The following WWOX variants were observed in gnomAD, a reference collection of about 807,000 sequenced individuals.
WWOX encodes the protein WW domain containing oxidoreductase, also known as WW domain-containing oxidoreductase.
A neutral mutation model predicts 46.2 loss-of-function variants in WWOX; 69 were observed. That is an observed-to-expected ratio of 1.49 (90% CI 1.23 to 1.82). The LOEUF is 1.82. Among genes scored for constraint, WWOX ranks in the 40% most tolerant of loss-of-function variants. The pLI, the probability that WWOX is intolerant of heterozygous loss-of-function variation, is 0.00. For missense variants in WWOX, 919 were observed against 542.6 expected (o/e 1.69, Z -6.89); for synonymous variants, 359 against 202.6 (o/e 1.77, Z -6.56).
chr16:79,020,925 C>G (rs1319804168), intron 8 of WWOX, among the ~76,000 whole-genome samples: 1 of 152,012 alleles, frequency 6.6e-6, no homozygotes, highest in Non-Finnish European at 1.5e-5. Context: ...TGTTAATGAG[C>G]TTAGATTGTC....
chr16:78,427,865 C>T (rs910050952), intron 7 of WWOX, among the ~76,000 whole-genome samples: 9 of 152,144 alleles, frequency 5.9e-5, no homozygotes, highest in South Asian at 2.1e-4. Context: ...CTCAAGAGTT[C>T]GAGATCAGCC....
chr16:79,024,870 G>A (rs986275890), intron 8 of WWOX, among the ~76,000 whole-genome samples: 4 of 152,104 alleles, frequency 2.6e-5, no homozygotes, highest in East Asian at 1.9e-4. Context: ...ACACCTGGCC[G>A]CTGGAAATAC....
At chr16:78,395,363 A>T (rs944025271) in intron 6 of WWOX, among the ~76,000 whole-genome samples, 3 of 152,174 alleles carry the variant, frequency 2.0e-5, no homozygotes, top group Non-Finnish European at 2.9e-5. Flanking sequence ...TACAAAAATT[A>T]CAGAAATTAG....
intron 8 of WWOX, among the ~76,000 whole-genome samples, chr16:78,791,895 A>G (rs1477548060): frequency 1.3e-5 from 2 of 152,130 alleles, no homozygotes; most frequent in Non-Finnish European, 2.9e-5. Flanking sequence ...AACAACAACA[A>G]CAACAACAAA....
intron 8 of WWOX, among the ~76,000 whole-genome samples, chr16:79,031,939 C>T (rs1161970092): frequency 7.0e-5 from 9 of 127,750 alleles, no homozygotes; most frequent in South Asian, 2.6e-4. Flanking sequence ...TATCTGTATA[C>T]AGATATCTGT....
chr16:78,350,552 A>G (rs2081165478), intron 5 of WWOX, among the ~76,000 whole-genome samples: 1 of 120,886 alleles, frequency 8.3e-6, no homozygotes, highest in Admixed American at 8.1e-5. Flanking sequence ...AATAAATCAG[A>G]TACTGTGTGG....
intron 8 of WWOX, among the ~76,000 whole-genome samples, chr16:78,554,818 C>T (rs993931737): frequency 1.3e-5 from 2 of 152,176 alleles, no homozygotes; most frequent in African/African-American, 4.8e-5. Context: ...CCACCCAGAG[C>T]CCCTGACTCT....
chr16:78,348,847 G>A (rs2081137976), intron 5 of WWOX, among the ~76,000 whole-genome samples: 1 of 120,324 alleles, frequency 8.3e-6, no homozygotes, highest in African/African-American at 2.8e-5. Context: ...AGAAAGACTT[G>A]TATCTGTTGT....
chr16:78,351,937 A>T (rs1051551366), intron 5 of WWOX, among the ~76,000 whole-genome samples: 2 of 152,190 alleles, frequency 1.3e-5, no homozygotes, highest in Non-Finnish European at 2.9e-5. Context: ...GATTATAGGC[A>T]TGAGCCACCA....
chr16:78,650,767 T>C lies in WWOX; in HGVS notation c.1056+218015T>C, dbSNP rs996450484. ...GGTTATGGAATGGGTTTCCATGCCA[T>C]GTCTCCCCCTGTCCCACAAATCTCA... On this transcript the variant is annotated intron_variant, in intron 8 of 8. Transcript: ENST00000566780. Among the ~76,000 whole-genome samples, 78 of 152,312 alleles carry C rather than the reference T, an allele frequency of 5.1e-4. 1 individual carries two copies. The highest frequency in any genetic ancestry group is 9.6e-4 in the East Asian group (5 of 5,186).
At chr16:78,438,684 C>G (rs957534459) in intron 8 of WWOX, among the ~76,000 whole-genome samples, 1 of 152,118 alleles carries the variant, frequency 6.6e-6, no homozygotes, top group African/African-American at 2.4e-5. Context: ...TAGGGAACTG[C>G]ATTTTCAAAT....
intron 8 of WWOX, among the ~76,000 whole-genome samples, chr16:79,021,600 T>C (rs2047534793): frequency 6.6e-6 from 1 of 152,196 alleles, no homozygotes; most frequent in Non-Finnish European, 1.5e-5. Flanking sequence ...TGTTTGGAAA[T>C]AGCTGCGACT....
intron 5 of WWOX, among the ~76,000 whole-genome samples, chr16:78,188,848 A>T (rs762765717): frequency 6.6e-6 from 1 of 152,188 alleles, no homozygotes; most frequent in Non-Finnish European, 1.5e-5. Flanking sequence ...GTTTGACAAG[A>T]TATGACACAT....
intron 8 of WWOX, among the ~76,000 whole-genome samples, chr16:79,070,244 T>G (rs1430450137): frequency 6.6e-6 from 1 of 150,994 alleles, no homozygotes; most frequent in Non-Finnish European, 1.5e-5. Flanking sequence ...CATGCTCCAG[T>G]TTGTTCTTAG....
chr16:79,167,319 G>A (rs951455318), intron 8 of WWOX, among the ~76,000 whole-genome samples: 2 of 152,142 alleles, frequency 1.3e-5, no homozygotes, highest in Non-Finnish European at 2.9e-5. Flanking sequence ...ATTCCAAAAT[G>A]CTAATAACTT....
intron 8 of WWOX, among the ~76,000 whole-genome samples, chr16:79,141,623 T>C (rs544080005): frequency 6.6e-6 from 1 of 152,282 alleles, no homozygotes; most frequent in African/African-American, 2.4e-5. Context: ...TCCAAAGAAG[T>C]TTGGGGTGAA....
intron 8 of WWOX, among the ~76,000 whole-genome samples, chr16:78,586,755 T>C (rs915995515): frequency 6.6e-6 from 1 of 152,214 alleles, no homozygotes; most frequent in African/African-American, 2.4e-5. Context: ...TTCTTTGACA[T>C]AGAGGAATTT....
chr16:78,636,621 T>G (rs959029182), intron 8 of WWOX, among the ~76,000 whole-genome samples: 3 of 152,192 alleles, frequency 2.0e-5, no homozygotes, highest in African/African-American at 7.2e-5. Context: ...TTAAAACTGA[T>G]AATTAATGGA....
chr16:78,813,617 A>T (rs1037480734), intron 8 of WWOX, among the ~76,000 whole-genome samples: 2 of 152,048 alleles, frequency 1.3e-5, no homozygotes, highest in African/African-American at 4.8e-5. Context: ...GTGTGTGTTC[A>T]TCACGTATCC....
Sources: allele counts gnomAD v4.1 joint callset (sites outside exome capture counted in the v4.1 genomes callset), GRCh38; gene constraint gnomAD v4.1.1; transcripts MANE v1.5; gene names NCBI Gene and HGNC (gene_info 2026-07-23, HGNC 2026-07-21).